FTCDNL1: variants seen among roughly 807,000 people sequenced by gnomAD.
FTCDNL1 encodes formiminotransferase cyclodeaminase N-terminal like, also known as formiminotransferase N-terminal subdomain-containing protein.
In FTCDNL1, 11 loss-of-function variants were observed where a neutral mutation model predicts 5.9. The observed-to-expected ratio is 1.87, with a 90% CI of 1.18 to 3.10. The LOEUF (loss-of-function observed/expected upper bound fraction) is 3.10. Among genes scored for constraint, FTCDNL1 ranks in the 30% most tolerant of loss-of-function variants. The pLI, the probability that FTCDNL1 is intolerant of heterozygous loss-of-function variation, is 0.00. For missense variants in FTCDNL1, 115 were observed against 65.5 expected, an observed-to-expected ratio of 1.76 and a Z score of -2.61; for synonymous variants, 58 against 24.8, an observed-to-expected ratio of 2.34 and a Z score of -3.99.
chr2:199,842,383 C>G (rs1225367930), intron 3 of FTCDNL1, among the ~76,000 whole-genome samples: 2 of 152,186 alleles, frequency 1.3e-5, no homozygotes, highest in African/African-American at 4.8e-5. Flanking sequence ...TTCCATGCAG[C>G]CATACTGAAG....
At chr2:199,710,985 G>A in the FTCDNL1 span, among the ~76,000 whole-genome samples, 9 of 151,798 alleles carry the variant, frequency 5.9e-5, no homozygotes, top group Admixed American at 4.6e-4. Context: ...TTTTAATCTG[G>A]GAATTTTTCC....
intron 3 of FTCDNL1, among the ~76,000 whole-genome samples, chr2:199,838,853 C>A (rs1437926593): frequency 6.6e-6 from 1 of 152,182 alleles, no homozygotes. Context: ...ATTAAAAGAA[C>A]ATTTATATTG....
chr2:199,692,867 G>A, the FTCDNL1 span, among the ~76,000 whole-genome samples: 1 of 152,174 alleles, frequency 6.6e-6, no homozygotes, highest in African/African-American at 2.4e-5. Context: ...ATTTATTTTT[G>A]TATTGTCTTT....
chr2:199,836,710 G>C (rs1702769004), intron 3 of FTCDNL1, among the ~76,000 whole-genome samples: 1 of 152,074 alleles, frequency 6.6e-6, no homozygotes, highest in African/African-American at 2.4e-5. Flanking sequence ...AGGCTACAGT[G>C]AGCCACAATC....
intron 3 of FTCDNL1, among the ~76,000 whole-genome samples, chr2:199,826,475 G>C (rs1027211793): frequency 7.9e-6 from 1 of 126,736 alleles, no homozygotes; most frequent in Admixed American, 9.0e-5. Context: ...TCCTTATCTA[G>C]AAATTTCTCA....
At chr2:199,727,407 G>A in the FTCDNL1 span, among the ~76,000 whole-genome samples, 1 of 152,162 alleles carries the variant, frequency 6.6e-6, no homozygotes, top group African/African-American at 2.4e-5. Flanking sequence ...TGGTGGTGTG[G>A]ACTCACAAGA....
chr2:199,677,855 G>A, the FTCDNL1 span, among the ~76,000 whole-genome samples: 1 of 152,162 alleles, frequency 6.6e-6, no homozygotes, highest in Non-Finnish European at 1.5e-5. Context: ...AAAGTAAAAT[G>A]TACAATACTG....
chr2:199,737,019 T>C, the FTCDNL1 span, among the ~76,000 whole-genome samples: 1 of 152,268 alleles, frequency 6.6e-6, no homozygotes, highest in Non-Finnish European at 1.5e-5. Context: ...GCCAGACTGC[T>C]GAGCCACAGT....
intron 3 of FTCDNL1, among the ~76,000 whole-genome samples, chr2:199,827,298 A>T (rs1169953645): frequency 6.6e-6 from 1 of 152,240 alleles, no homozygotes; most frequent in Non-Finnish European, 1.5e-5. Context: ...AGATTCTGCT[A>T]CAAGTAAATG....
At chr2:199,808,055 G>A (rs943520536), downstream of FTCDNL1, among the ~76,000 whole-genome samples, 1 of 152,076 alleles carries the variant, frequency 6.6e-6, no homozygotes, top group East Asian at 1.9e-4. Flanking sequence ...TCATTTAGAA[G>A]TAGGTAGCAC....
intron 3 of FTCDNL1, among the ~76,000 whole-genome samples, chr2:199,779,110 TTATG>T (rs1179533619): frequency 1.3e-5 from 2 of 152,216 alleles, no homozygotes; most frequent in African/African-American, 4.8e-5. Context: ...GTTTTCCTTA[TTATG>T]TAAGTAAAGA....
At chr2:199,848,279 T>C (rs1042993732) in intron 2 of FTCDNL1, among the ~76,000 whole-genome samples, 2 of 152,244 alleles carry the variant, frequency 1.3e-5, no homozygotes, top group African/African-American at 4.8e-5. Context: ...TCCAGTCTTC[T>C]GTCACCAAAT....
At chr2:199,767,432 CT>C (rs1698588551) in intron 3 of FTCDNL1, among the ~76,000 whole-genome samples, 1 of 152,178 alleles carries the variant, frequency 6.6e-6, no homozygotes, top group African/African-American at 2.4e-5. Flanking sequence ...TAACTTTCAT[CT>C]ATTGGTATTA....
At chr2:199,744,302 C>T in the FTCDNL1 span, among the ~76,000 whole-genome samples, 2 of 152,260 alleles carry the variant, frequency 1.3e-5, no homozygotes, top group East Asian at 1.9e-4. Flanking sequence ...TTTAAAGATA[C>T]GGCCTTTAGG....
the FTCDNL1 span, among the ~76,000 whole-genome samples, chr2:199,702,289 G>T: frequency 6.6e-6 from 1 of 151,894 alleles, no homozygotes; most frequent in Non-Finnish European, 1.5e-5. Flanking sequence ...TAAAATAAAA[G>T]TTGGAAAGAA....
intron 3 of FTCDNL1, among the ~76,000 whole-genome samples, chr2:199,785,939 T>C (rs911817169): frequency 2.0e-4 from 30 of 152,168 alleles, no homozygotes; most frequent in Non-Finnish European, 3.8e-4. Flanking sequence ...AGGATGAAAC[T>C]GTTAGTTAGA....
At chr2:199,753,759 A>C in the FTCDNL1 span, among the ~76,000 whole-genome samples, 1 of 152,196 alleles carries the variant, frequency 6.6e-6, no homozygotes, top group Non-Finnish European at 1.5e-5. Context: ...CTAAAAAATG[A>C]AGAGGTAGGT....
the FTCDNL1 span, among the ~76,000 whole-genome samples, chr2:199,676,860 C>T: frequency 4.4e-3 from 663 of 152,214 alleles, 2 homozygotes; most frequent in Middle Eastern, 6.8e-3. Flanking sequence ...TGTTGCAACT[C>T]CCACATTTTG....
chr2:199,726,904 C>T, the FTCDNL1 span, among the ~76,000 whole-genome samples: 2 of 152,196 alleles, frequency 1.3e-5, no homozygotes, highest in Non-Finnish European at 2.9e-5. Flanking sequence ...ATCCAGAACC[C>T]ACTTAATGAA....
Sources: gnomAD v4.1 joint callset for allele counts (sites outside exome capture counted in the v4.1 genomes callset) on GRCh38, gnomAD v4.1.1 for gene constraint, MANE v1.5 for transcripts, NCBI Gene and HGNC (gene_info 2026-07-23, HGNC 2026-07-21) for gene names.